Variants in GLT1D1 observed in about 807,000 individuals in gnomAD.
The protein encoded by GLT1D1 is glycosyltransferase 1 domain containing 1, also known as glycosyltransferase 1 domain-containing protein 1.
Under a neutral mutation model 28.7 loss-of-function variants are expected in GLT1D1, and 21 were observed. The ratio of observed to expected loss-of-function variants is 0.73; its 90% CI spans 0.52 to 1.05. GLT1D1 has a LOEUF of 1.05. GLT1D1 is among the 50% of genes least tolerant of loss of function. The probability of loss-of-function intolerance (pLI) is 0.00; values close to 1 mark genes in which losing one functional copy is unlikely to be tolerated. For missense variants in GLT1D1, 343 were observed against 330.6 expected (o/e 1.04, Z -0.29); for synonymous variants, 147 against 124.8 (o/e 1.18, Z -1.19).
At chr12:128,903,713 T>C (rs1433817311) in intron 4 of GLT1D1, among the ~76,000 whole-genome samples, 1 of 151,496 alleles carries the variant, frequency 6.6e-6, no homozygotes, top group Non-Finnish European at 1.5e-5. Context: ...CTTTAGAACC[T>C]TTTGGTTTTT....
At chr12:128,886,384 G>A (rs1868387487) in intron 2 of GLT1D1, among the ~76,000 whole-genome samples, 3 of 152,084 alleles carry the variant, frequency 2.0e-5, no homozygotes, top group Admixed American at 2.0e-4. Flanking sequence ...CTCCAGTTCT[G>A]GAGAATAATT....
intron 6 of GLT1D1, among the ~76,000 whole-genome samples, chr12:128,955,156 C>A (rs1454456228): frequency 6.6e-6 from 1 of 152,142 alleles, no homozygotes; most frequent in Non-Finnish European, 1.5e-5. Flanking sequence ...AGTTTCAGAG[C>A]TTCCCTTACA....
intron 1 of GLT1D1, among the ~76,000 whole-genome samples, chr12:128,873,890 T>TC (rs879581603): frequency 0.048 from 6,391 of 133,518 alleles, 238 homozygotes; most frequent in Middle Eastern, 0.094. Context: ...TTCCTCTCTC[T>TC]TGCTCCCTTT....
At chr12:128,909,084 A>G (rs890486297) in intron 4 of GLT1D1, among the ~76,000 whole-genome samples, 1 of 152,240 alleles carries the variant, frequency 6.6e-6, no homozygotes, top group Non-Finnish European at 1.5e-5. Flanking sequence ...GAAGCAGGAC[A>G]CCAACGCTTC....
In GLT1D1 at chr12:128,928,011, A is replaced by AC. The variant is rs1472612427; in HGVS notation, c.376-17315_376-17314insC. 6.0e-5 allele frequency among the ~76,000 whole-genome samples: 9 copies of AC among 149,592 alleles called. No individual in the cohort carries two copies. In the East Asian group the frequency reaches 1.6e-3, roughly 26 times the overall value. On this transcript the variant is annotated intron_variant, in intron 4 of 7. Transcript: ENST00000281703. ...CAAGACTCTGTCTCAAAAAAAAAAA[A>AC]AAAAAAAAAAAAAACAAAAAAGAAT...
chr12:128,979,605 T>G (rs992259216), intron 7 of GLT1D1, among the ~76,000 whole-genome samples: 3 of 151,954 alleles, frequency 2.0e-5, no homozygotes, highest in Admixed American at 6.6e-5. Context: ...AATACAAAAA[T>G]TAGCCAGATA....
intron 4 of GLT1D1, among the ~76,000 whole-genome samples, chr12:128,900,774 G>A (rs1025090469): frequency 3.3e-5 from 5 of 151,788 alleles, no homozygotes; most frequent in Non-Finnish European, 4.4e-5. Flanking sequence ...TAGCTGGGAC[G>A]ACAGGCATGT....
intron 4 of GLT1D1, among the ~76,000 whole-genome samples, chr12:128,910,274 T>G (rs945273963): frequency 2.6e-5 from 4 of 151,686 alleles, no homozygotes; most frequent in Non-Finnish European, 5.9e-5. Flanking sequence ...CTTTTTTTTT[T>G]TTTTTTTTTT....
chr12:128,913,566 A>T (rs989980006), intron 4 of GLT1D1, among the ~76,000 whole-genome samples: 3 of 152,212 alleles, frequency 2.0e-5, no homozygotes, highest in African/African-American at 7.2e-5. Flanking sequence ...GATAGAAATA[A>T]TGGAAAGACT....
chr12:128,904,401 A>G (rs1200534739), intron 4 of GLT1D1, among the ~76,000 whole-genome samples: 1 of 151,778 alleles, frequency 6.6e-6, no homozygotes, highest in African/African-American at 2.4e-5. Flanking sequence ...CATTTTTATC[A>G]ATACAGTTTG....
Position 128,853,609 on chromosome 12 carries a change from C to G in GLT1D1, c.28C>G (p.Arg10Gly). 2 of 1,176,774 alleles carry G rather than the reference C, an allele frequency of 1.7e-6. No homozygotes were observed. The highest frequency in any genetic ancestry group is 2.1e-6 in the Non-Finnish European group (2 of 940,754). 72.9% of individuals were successfully genotyped at this position (1,176,774 alleles called of 1,614,324 possible). ...GCGGCTCCTGTTCCTGGCGGTGCTG[C>G]GGCCACACACCGGCAACGCGGTCAC... The change falls in exon 1 of 8, where the codon CGG (arginine) becomes GGG (glycine). Residue 10 changes from arginine (R) to glycine (G), a missense_variant. Physicochemically the swap from Arg to Gly is moderately radical, Grantham distance 125 (BLOSUM62 -2). Transcript: ENST00000281703.
intron 2 of GLT1D1, among the ~76,000 whole-genome samples, chr12:128,886,199 G>A (rs1408696773): frequency 6.6e-6 from 1 of 152,124 alleles, no homozygotes; most frequent in Non-Finnish European, 1.5e-5. Flanking sequence ...TCTTTCTTTT[G>A]TAAATTGCCC....
chr12:128,979,622 A>C (rs1166998201), intron 7 of GLT1D1, among the ~76,000 whole-genome samples: 1 of 152,130 alleles, frequency 6.6e-6, no homozygotes, highest in African/African-American at 2.4e-5. Context: ...GATAAGGGGC[A>C]TGTGCCTATA....
Position 128,946,917 on chromosome 12 carries a change from G to A in GLT1D1, c.420-421G>A, listed in dbSNP as rs111667744. Among the ~76,000 whole-genome samples, 800 of 151,960 alleles carry A rather than the reference G, an allele frequency of 5.3e-3. 8 individuals are homozygous for A. Among genetic ancestry groups the A allele is most frequent in the African/African-American group, 0.018 (753 of 41,430 alleles). ...GCCCGCCTCAGCCTCCCAAAATGCT[G>A]GGATTACAGGTGTGAGCCACTGCAC... On this transcript the variant is annotated intron_variant, in intron 5 of 7. Coordinates refer to ENST00000281703, the MANE Select transcript of GLT1D1 (RefSeq NM_144669.3).
At chr12:128,913,283 A>C (rs1424597572) in intron 4 of GLT1D1, among the ~76,000 whole-genome samples, 1 of 151,996 alleles carries the variant, frequency 6.6e-6, no homozygotes, top group Non-Finnish European at 1.5e-5. Context: ...GCAGTGGCGC[A>C]ATCTTGGTTC....
At chr12:128,860,336 C>T (rs1956325096) in intron 1 of GLT1D1, among the ~76,000 whole-genome samples, 1 of 152,212 alleles carries the variant, frequency 6.6e-6, no homozygotes. Context: ...TGGCTGGCAC[C>T]TGTAGTCCCA....
At chr12:128,979,844 TACACTA>T (rs369614068) in intron 7 of GLT1D1, among the ~76,000 whole-genome samples, 2,519 of 152,298 alleles carry the variant, frequency 0.017, 75 homozygotes, top group African/African-American at 0.057. Flanking sequence ...TCAGAACACT[TACACTA>T]ACCTATAGTT....
At chr12:128,860,811 G>A (rs376026912) in intron 1 of GLT1D1, among the ~76,000 whole-genome samples, 2 of 152,274 alleles carry the variant, frequency 1.3e-5, no homozygotes, top group East Asian at 1.9e-4. Context: ...GGAAGGAAGA[G>A]GTCAGAAGGG....
chr12:128,982,692 GTGTGCATATGTGTGTGTGCATGTA>G (rs893296861), intron 7 of GLT1D1, among the ~76,000 whole-genome samples: 18 of 151,986 alleles, frequency 1.2e-4, no homozygotes, highest in Middle Eastern at 3.4e-3. Context: ...GTGTGCATGT[GTGTGCATATGTGTGTGTGCATGTA>G]TGTGTGCGTG....
Sources: allele counts gnomAD v4.1 joint callset (sites outside exome capture counted in the v4.1 genomes callset), GRCh38; gene constraint gnomAD v4.1.1; transcripts MANE v1.5; gene names NCBI Gene and HGNC (gene_info 2026-07-23, HGNC 2026-07-21).